Variants in ASAP1 observed in about 807,000 individuals in gnomAD.
ASAP1 encodes the protein ArfGAP with SH3 domain, ankyrin repeat and PH domain 1, also known as arf-GAP with SH3 domain, ANK repeat and PH domain-containing protein 1.
In ASAP1, 43 loss-of-function variants were observed where a neutral mutation model predicts 145.2. The observed-to-expected ratio is 0.30, with a 90% CI of 0.23 to 0.38. The LOEUF (loss-of-function observed/expected upper bound fraction) is 0.38. ASAP1 is among the 10% of genes least tolerant of loss of function. The pLI, the probability that ASAP1 is intolerant of heterozygous loss-of-function variation, is 1.00. For synonymous variants in ASAP1, 546 were observed against 515.5 expected, an observed-to-expected ratio of 1.06 and a Z score of -0.80; for missense variants, 1,018 against 1,355.3, an observed-to-expected ratio of 0.75 and a Z score of 3.91.
chr8:130,116,774 A>C (rs2097556839), intron 21 of ASAP1, 29 bp from the exon 22 acceptor site: 3 of 1,608,132 alleles, frequency 1.9e-6, no homozygotes, highest in Non-Finnish European at 2.6e-6. Context: ...TAATTTGCAT[A>C]ATTATCTAGG....
chr8:130,379,639 A>G (rs1827673541), intron 2 of ASAP1, among the ~76,000 whole-genome samples: 1 of 152,212 alleles, frequency 6.6e-6, no homozygotes, highest in Non-Finnish European at 1.5e-5. Context: ...TGCTTGGTAT[A>G]GAGAAAACCC....
chr8:130,437,168 C>T (rs1830342771), intron 1 of ASAP1, among the ~76,000 whole-genome samples: 1 of 150,064 alleles, frequency 6.7e-6, no homozygotes, highest in Non-Finnish European at 1.5e-5. Flanking sequence ...AATGTGGTAA[C>T]ACAGCTAAGC....
At chr8:130,310,686 A>T (rs1009471172) in intron 3 of ASAP1, among the ~76,000 whole-genome samples, 1 of 142,116 alleles carries the variant, frequency 7.0e-6, no homozygotes, top group African/African-American at 2.6e-5. Context: ...TTCTCTAGTT[A>T]AAAAAAAAAA....
chr8:130,346,246 A>G (rs1179796097), intron 3 of ASAP1, among the ~76,000 whole-genome samples: 2 of 152,216 alleles, frequency 1.3e-5, no homozygotes, highest in Non-Finnish European at 2.9e-5. Flanking sequence ...GTGAACATGA[A>G]TAAGAACACA....
At chr8:130,059,728 T>C (rs1395784046) in intron 28 of ASAP1, among the ~76,000 whole-genome samples, 2 of 152,202 alleles carry the variant, frequency 1.3e-5, no homozygotes, top group African/African-American at 2.4e-5. Context: ...TATTCTATTA[T>C]ATCGAGAGCT....
At chr8:130,256,336 G>A (rs905158948) in intron 3 of ASAP1, among the ~76,000 whole-genome samples, 1 of 144,546 alleles carries the variant, frequency 6.9e-6, no homozygotes, top group East Asian at 2.0e-4. Flanking sequence ...CTTGTCCCTA[G>A]CTCATACATT....
chr8:130,155,090 T>G (rs1302671693), intron 12 of ASAP1, among the ~76,000 whole-genome samples: 1 of 152,184 alleles, frequency 6.6e-6, no homozygotes, highest in East Asian at 1.9e-4. Flanking sequence ...AATCCACCAA[T>G]CAAACTATTC....
chr8:130,087,762 G>A lies in ASAP1; in HGVS notation c.2572+4211C>T, dbSNP rs530694768. On this transcript the variant is annotated intron_variant, in intron 25 of 29. Coordinates refer to ENST00000518721, the MANE Select transcript of ASAP1 (RefSeq NM_018482.4). ...ATTTAATGTTAGGCAAGCGATCAGC[G>A]TGAACCCATTGATCTAAAAAATAGA... 3.3e-5 allele frequency among the ~76,000 whole-genome samples: 5 copies of A among 152,262 alleles called. No individual in the cohort carries two copies. In the South Asian group the frequency reaches 6.2e-4, roughly 19 times the overall value.
At chr8:130,128,908 A>C (rs2097579215) in intron 15 of ASAP1, among the ~76,000 whole-genome samples, 1 of 152,224 alleles carries the variant, frequency 6.6e-6, no homozygotes. Context: ...AAAACCTATT[A>C]TATGATTGAT....
chr8:130,087,771 T>C (rs1006736787), intron 25 of ASAP1, among the ~76,000 whole-genome samples: 1 of 152,172 alleles, frequency 6.6e-6, no homozygotes, highest in African/African-American at 2.4e-5. Context: ...CGTGAACCCA[T>C]TGATCTAAAA....
chr8:130,310,854 T>C (rs1404421620), intron 3 of ASAP1, among the ~76,000 whole-genome samples: 1 of 152,228 alleles, frequency 6.6e-6, no homozygotes, highest in Non-Finnish European at 1.5e-5. Flanking sequence ...AGCTTTACTA[T>C]AAATAAACAA....
intron 2 of ASAP1, among the ~76,000 whole-genome samples, chr8:130,363,348 A>G (rs1826803664): frequency 6.6e-6 from 1 of 151,956 alleles, no homozygotes; most frequent in African/African-American, 2.4e-5. Context: ...CAACATGGCG[A>G]GACTGCATCT....
chr8:130,286,184 T>C (rs1821599783), intron 3 of ASAP1, among the ~76,000 whole-genome samples: 1 of 152,162 alleles, frequency 6.6e-6, no homozygotes, highest in Admixed American at 6.5e-5. Flanking sequence ...AATGGCAGAG[T>C]AGGTTTTAGA....
At chr8:130,299,777 CAG>C (rs1235524443) in intron 3 of ASAP1, among the ~76,000 whole-genome samples, 1 of 152,064 alleles carries the variant, frequency 6.6e-6, no homozygotes, top group Non-Finnish European at 1.5e-5. Flanking sequence ...AAAGGCAATT[CAG>C]AGGAGAAAAA....
At chr8:130,286,172 C>G (rs570754022) in intron 3 of ASAP1, among the ~76,000 whole-genome samples, 117 of 152,288 alleles carry the variant, frequency 7.7e-4, no homozygotes, top group African/African-American at 2.7e-3. Flanking sequence ...CTCACAGTAT[C>G]AAATGGCAGA....
intron 3 of ASAP1, among the ~76,000 whole-genome samples, chr8:130,325,568 T>G (rs955708450): frequency 1.2e-4 from 19 of 152,258 alleles, no homozygotes; most frequent in Non-Finnish European, 1.5e-5. Context: ...TCAGCTATTG[T>G]GCTGAGGAAG....
intron 3 of ASAP1, among the ~76,000 whole-genome samples, chr8:130,248,932 T>G (rs528942901): frequency 6.7e-4 from 102 of 152,298 alleles, no homozygotes; most frequent in Non-Finnish European, 1.2e-3. Flanking sequence ...TCTTTTTTGT[T>G]GCTTTCTATT....
intron 1 of ASAP1, among the ~76,000 whole-genome samples, chr8:130,427,455 A>G (rs947168982): frequency 6.6e-6 from 1 of 152,226 alleles, no homozygotes; most frequent in Non-Finnish European, 1.5e-5. Context: ...ACATGTGGAC[A>G]GGGTTCAGTG....
At chr8:130,175,976 G>A (rs887586379) in intron 9 of ASAP1, among the ~76,000 whole-genome samples, 2 of 152,222 alleles carry the variant, frequency 1.3e-5, no homozygotes, top group African/African-American at 2.4e-5. Context: ...AATGACACTT[G>A]TGAGGAGGTA....
Sources: allele counts gnomAD v4.1 joint callset (sites outside exome capture counted in the v4.1 genomes callset), GRCh38; gene constraint gnomAD v4.1.1; transcripts MANE v1.5; gene names NCBI Gene and HGNC (gene_info 2026-07-23, HGNC 2026-07-21).